The following ESR2 variants were observed in gnomAD, a reference collection of about 807,000 sequenced individuals.
ESR2 encodes the protein estrogen receptor 2.
In ESR2, 36 loss-of-function variants were observed where a neutral mutation model predicts 49.6. That is an observed-to-expected ratio of 0.73 (90% CI 0.56 to 0.96). The LOEUF (loss-of-function observed/expected upper bound fraction) is 0.96, where lower values mean the gene tolerates loss of function less well. ESR2 is among the 40% of genes least tolerant of loss of function. The pLI is 0.00. For missense variants in ESR2, 714 were observed against 693.0 expected (o/e 1.03, Z -0.34); for synonymous variants, 320 against 266.1 (o/e 1.20, Z -1.97).
intron 1 of ESR2, among the ~76,000 whole-genome samples, chr14:64,324,767 A>G (rs1192090431): frequency 6.6e-6 from 1 of 152,258 alleles, no homozygotes; most frequent in Non-Finnish European, 1.5e-5. Flanking sequence ...TGTGGGGACA[A>G]TAAATTAGTA....
At chr14:64,256,665 G>A (rs1200563927) in intron 6 of ESR2, among the ~76,000 whole-genome samples, 1 of 151,892 alleles carries the variant, frequency 6.6e-6, no homozygotes, top group Non-Finnish European at 1.5e-5. Context: ...GTAGGCGGAG[G>A]TTGCAGTGAG....
chr14:64,283,109 G>A (rs2076715171), intron 1 of ESR2, 34 bp from the exon 2 acceptor site: 1 of 897,208 alleles, frequency 1.1e-6, no homozygotes, highest in South Asian at 2.0e-5. Context: ...TGCCAAGTTA[G>A]AGCTACAGCT....
chr14:64,252,848 T>C (rs2076015692), intron 6 of ESR2, among the ~76,000 whole-genome samples: 1 of 152,098 alleles, frequency 6.6e-6, no homozygotes, highest in African/African-American at 2.4e-5. Flanking sequence ...ATCAAATTTA[T>C]TACTTGACAA....
chr14:64,260,376 A>G, intron 5 of ESR2, 73 bp downstream of exon 5: 1 of 1,370,474 alleles, frequency 7.3e-7, no homozygotes. Flanking sequence ...TCTACTTTGT[A>G]CTCTTGCCCC....
At chr14:64,240,818 C>T (rs1450399864) in intron 7 of ESR2, among the ~76,000 whole-genome samples, 1 of 152,116 alleles carries the variant, frequency 6.6e-6, no homozygotes, top group East Asian at 1.9e-4. Flanking sequence ...TGCCCAACTG[C>T]AGGGTAATGT....
chr14:64,238,431 T>G (rs1049809806), intron 7 of ESR2, among the ~76,000 whole-genome samples: 5 of 152,102 alleles, frequency 3.3e-5, no homozygotes, highest in African/African-American at 1.2e-4. Flanking sequence ...ATTGATCACA[T>G]AGAAAAGAAA....
intron 7 of ESR2, among the ~76,000 whole-genome samples, chr14:64,248,534 A>G (rs574906702): frequency 6.6e-6 from 1 of 151,424 alleles, no homozygotes; most frequent in East Asian, 1.9e-4. Context: ...AAAAAAAAAA[A>G]GAAAGAAAGG....
intron 3 of ESR2, among the ~76,000 whole-genome samples, chr14:64,277,172 T>C (rs1269056): frequency 0.65 from 99,483 of 152,058 alleles, 34,141 homozygotes; most frequent in African/African-American, 0.88. Context: ...ATCACTCTGA[T>C]GGCAACTCAT....
chr14:64,233,184 C>G lies in ESR2; in HGVS notation c.1546G>C (p.Glu516Gln). 2 of 1,614,168 alleles carry G rather than the reference C, an allele frequency of 1.2e-6. No homozygotes were observed. Among genetic ancestry groups the G allele is most frequent in the Non-Finnish European group, 8.5e-7 (1 of 1,180,018 alleles). ...GAGCCCTCTTTGCTTTTACTGTCCT[C>G]TGCCGGGCTGCACTCGGACCCCGTG... The part of the protein sequence containing the change: ...SITGSECSPA[E>Q]DSKSKEGSQN... Residue 516 changes from glutamate to glutamine, a missense_variant, in exon 9 of 9, where the codon GAG (glutamate) becomes CAG (glutamine). Coordinates refer to ENST00000341099, the MANE Select transcript of ESR2 (RefSeq NM_001437.3).
intron 5 of ESR2, 84 bp from the exon 6 acceptor site, chr14:64,257,448 A>C: frequency 6.6e-7 from 1 of 1,511,446 alleles, no homozygotes; most frequent in Non-Finnish European, 9.0e-7. Flanking sequence ...GCAAGTGTTA[A>C]AACACTAAGA....
intron 4 of ESR2, 54 bp from the exon 5 acceptor site, chr14:64,260,802 A>G: frequency 7.1e-7 from 1 of 1,400,432 alleles, no homozygotes; most frequent in Non-Finnish European, 9.4e-7. Context: ...GCAGTCAAGC[A>G]AAAGCAGCTT....
chr14:64,320,667 C>A (rs186783788), intron 1 of ESR2, among the ~76,000 whole-genome samples: 1 of 152,000 alleles, frequency 6.6e-6, no homozygotes, highest in Admixed American at 6.6e-5. Flanking sequence ...CTGAGGCAGG[C>A]GGATCACCTG....
chr14:64,249,734 AAAC>A, intron 6 of ESR2, 55 bp from the exon 7 acceptor site: 3 of 1,542,864 alleles, frequency 1.9e-6, no homozygotes, highest in Non-Finnish European at 2.6e-6. Flanking sequence ...ACCATCAAAA[AAAC>A]AATAAGGAAT....
At chr14:64,291,165 G>A (rs1200141942) in intron 1 of ESR2, among the ~76,000 whole-genome samples, 1 of 152,194 alleles carries the variant, frequency 6.6e-6, no homozygotes, top group Non-Finnish European at 1.5e-5. Flanking sequence ...CAGAAGTTAG[G>A]CTGAATGCAC....
In ESR2 at chr14:64,268,891, G is replaced by A; in HGVS notation, c.556C>T (p.Pro186Ser). The A allele has an allele frequency of 6.2e-7, 1 of 1,608,560 alleles. No homozygotes were observed. Among genetic ancestry groups the A allele is most frequent in the Non-Finnish European group, 8.5e-7 (1 of 1,175,072 alleles). ...SIQGHNDYIC[P>S]ATNQCTIDKN... ...TCGATTGTACACTGATTTGTAGCTG[G>A]ACAAATATAATCATTATGTCCTATA... The change falls in exon 4 of 9, where the codon CCA (proline) becomes TCA (serine). Residue 186 changes from proline (P) to serine (S), a missense_variant. Transcript: ENST00000341099.
chr14:64,266,384 C>T (rs1263244639), intron 4 of ESR2, among the ~76,000 whole-genome samples: 2 of 152,188 alleles, frequency 1.3e-5, no homozygotes, highest in African/African-American at 4.8e-5. Context: ...AGCACAGTTA[C>T]AGTCAGCAGG....
upstream of ESR2, among the ~76,000 whole-genome samples, chr14:64,294,627 C>T (rs2140853846): frequency 6.6e-6 from 1 of 152,290 alleles, no homozygotes; most frequent in East Asian, 1.9e-4. Flanking sequence ...TATGCATTTC[C>T]AACCAGGTCC....
intron 5 of ESR2, 65 bp downstream of exon 5, chr14:64,260,384 C>T: frequency 7.1e-7 from 1 of 1,415,294 alleles, no homozygotes; most frequent in African/African-American, 1.4e-5. Context: ...GTACTCTTGC[C>T]CCTTAAATAT....
intron 7 of ESR2, among the ~76,000 whole-genome samples, chr14:64,242,601 T>C (rs2075758153): frequency 1.3e-5 from 2 of 151,714 alleles, no homozygotes; most frequent in African/African-American, 4.8e-5. Flanking sequence ...TTTTGGATTC[T>C]AGTTACCAAA....
Sources: gnomAD v4.1 joint callset for allele counts (sites outside exome capture counted in the v4.1 genomes callset) on GRCh38, gnomAD v4.1.1 for gene constraint, MANE v1.5 for transcripts, NCBI Gene and HGNC (gene_info 2026-07-23, HGNC 2026-07-21) for gene names.